The following MAPK10 variants were observed in gnomAD, a reference collection of about 807,000 sequenced individuals.
MAPK10 encodes JNK3 alpha protein kinase.
MAPK10 carries 25 observed loss-of-function variants against 59.3 expected under a neutral mutation model. The ratio of observed to expected loss-of-function variants is 0.42; its 90% CI spans 0.31 to 0.59. MAPK10 has a LOEUF of 0.59. MAPK10 is among the 20% of genes least tolerant of loss of function. The pLI is 0.15. For missense variants in MAPK10, 351 were observed against 568.9 expected (o/e 0.62, Z 3.90); for synonymous variants, 190 against 200.5 (o/e 0.95, Z 0.44).
chr4:86,036,566 A>G lies in MAPK10; in HGVS notation c.1111-5135T>C, dbSNP rs542602964. Among the ~76,000 whole-genome samples, 87 of 152,334 alleles carry G rather than the reference A, an allele frequency of 5.7e-4. 1 individual carries two copies. The highest frequency in any genetic ancestry group is 1.1e-3 in the Non-Finnish European group (74 of 68,014). ...AAACTAAGATTCAAGGAAATTTTAAAAAATATATCATGAAGTCATATAGCT... is the reference window on the plus strand; with the variant it reads ...AAACTAAGATTCAAGGAAATTTTAAGAAATATATCATGAAGTCATATAGCT... On this transcript the variant is annotated intron_variant, in intron 11 of 13. Coordinates refer to ENST00000641462, the MANE Select transcript of MAPK10 (RefSeq NM_138982.4).
intron 9 of MAPK10, among the ~76,000 whole-genome samples, chr4:86,094,485 C>A (rs2053858708): frequency 6.6e-6 from 1 of 151,686 alleles, no homozygotes; most frequent in African/African-American, 2.4e-5. Context: ...GAATATTGGC[C>A]AAGAACTTAG....
At chr4:86,210,414 C>T (rs984831418) in intron 2 of MAPK10, among the ~76,000 whole-genome samples, 7 of 151,504 alleles carry the variant, frequency 4.6e-5, no homozygotes, top group East Asian at 1.9e-4. Context: ...GGAGCTCAAA[C>T]GACTCTATTA....
chr4:86,344,796 A>C (rs1455626353), intron 2 of MAPK10, among the ~76,000 whole-genome samples: 1 of 152,226 alleles, frequency 6.6e-6, no homozygotes, highest in Non-Finnish European at 1.5e-5. Flanking sequence ...CAAGGCACCA[A>C]TAGTTTCACC....
intron 10 of MAPK10, chr4:86,065,387 A>C (rs2046540896): frequency 1.3e-5 from 2 of 152,200 alleles, no homozygotes; most frequent in Non-Finnish European, 2.9e-5. Context: ...GCTACACCAG[A>C]CACTAATGAG....
chr4:86,107,556 T>C (rs1298875451), intron 4 of MAPK10: 2 of 1,182,438 alleles, frequency 1.7e-6, no homozygotes, highest in African/African-American at 3.2e-5. Flanking sequence ...TGAAGAAGAG[T>C]TGGAGGAAGG....
intron 1 of MAPK10, among the ~76,000 whole-genome samples, chr4:86,410,717 T>C (rs1253893358): frequency 2.0e-5 from 3 of 152,174 alleles, no homozygotes; most frequent in Non-Finnish European, 4.4e-5. Flanking sequence ...TCTGTGATGG[T>C]AGTTTGTATT....
intron 2 of MAPK10, among the ~76,000 whole-genome samples, chr4:86,333,209 T>G (rs774516118): frequency 1.5e-4 from 23 of 152,272 alleles, no homozygotes; most frequent in Middle Eastern, 3.4e-3. Context: ...AGAAAACGAT[T>G]TCTAGAATAA....
chr4:86,112,982 T>C (rs1162928111), intron 4 of MAPK10, among the ~76,000 whole-genome samples: 1 of 152,026 alleles, frequency 6.6e-6, no homozygotes, highest in Admixed American at 6.6e-5. Context: ...TCTTTGTCTT[T>C]TTTTTTTTAT....
intron 4 of MAPK10, among the ~76,000 whole-genome samples, chr4:86,109,786 T>C (rs2057168841): frequency 6.6e-6 from 1 of 152,218 alleles, no homozygotes; most frequent in Non-Finnish European, 1.5e-5. Flanking sequence ...ATATTTCTGG[T>C]TCTAGGTCTT....
At chr4:86,039,468 C>A (rs544187917) in intron 11 of MAPK10, among the ~76,000 whole-genome samples, 1 of 152,208 alleles carries the variant, frequency 6.6e-6, no homozygotes, top group Admixed American at 6.5e-5. Flanking sequence ...GCCCTAGACA[C>A]CAGGCTAGTA....
chr4:86,500,846 T>C lies in MAPK10; in HGVS notation c.-263+93064A>G, dbSNP rs571336252. ...GCCATGTTGCTACAGCCAAAATAGT[T>C]ATGGATACACATTAGGTAAAAAATA... is the stretch of plus-strand genomic sequence containing the variant. On this transcript the variant is annotated intron_variant, in intron 1 of 4. Coordinates refer to the MAPK10 transcript ENST00000502302. Among the ~76,000 whole-genome samples, 22 of 152,248 alleles carry C rather than the reference T, an allele frequency of 1.4e-4. No homozygotes were observed. The South Asian group carries it at 4.1e-3, about 29-fold the overall frequency.
intron 2 of MAPK10, among the ~76,000 whole-genome samples, chr4:86,248,234 C>G (rs1371692678): frequency 6.6e-6 from 1 of 152,102 alleles, no homozygotes; most frequent in Non-Finnish European, 1.5e-5. Flanking sequence ...ATTTTTAAAG[C>G]TTGTGTTTCA....
At chr4:86,107,171 T>C (rs544171757) in intron 5 of MAPK10, 52 bp downstream of exon 5, 2 of 1,486,008 alleles carry the variant, frequency 1.3e-6, no homozygotes, top group African/African-American at 1.4e-5. Context: ...CATTTTCTTT[T>C]TCCAATCTTA....
chr4:86,252,490 C>T lies in MAPK10; in HGVS notation c.-6-58083G>A, dbSNP rs1325302721. On this transcript the variant is annotated intron_variant, in intron 2 of 13. Coordinates refer to ENST00000641462, the MANE Select transcript of MAPK10 (RefSeq NM_138982.4). ...CAAAGATCAGATAGTTGTAGGTATG[C>T]GGCGTTATTTCCGAGGGCTCTGTTC... Among the ~76,000 whole-genome samples, 640 of 141,116 alleles carry T rather than the reference C, an allele frequency of 4.5e-3. 4 individuals carry two copies. Among genetic ancestry groups the T allele is most frequent in the African/African-American group, 0.017 (584 of 34,236 alleles). The allele number at this position is 141,116 out of a possible 152,430, so 92.6% of individuals were successfully genotyped here. A position where few individuals can be genotyped will look rare whatever the true frequency, so the allele number is the denominator to read the frequency against.
chr4:86,298,913 G>C (rs940785575), intron 2 of MAPK10, among the ~76,000 whole-genome samples: 2 of 152,174 alleles, frequency 1.3e-5, no homozygotes, highest in African/African-American at 4.8e-5. Context: ...AATGAGGACA[G>C]AAAAAGTAGA....
chr4:86,463,951 A>G (rs185465096), intron 1 of MAPK10, among the ~76,000 whole-genome samples: 7 of 152,340 alleles, frequency 4.6e-5, no homozygotes, highest in African/African-American at 1.7e-4. Flanking sequence ...CAAGAGCAAG[A>G]TCTTGTAGAG....
chr4:86,540,765 AG>A (rs74974754), intron 1 of MAPK10, among the ~76,000 whole-genome samples: 34,330 of 152,078 alleles, frequency 0.23, 4,607 homozygotes, highest in Admixed American at 0.3. Context: ...AAAGTCCCTG[AG>A]GGGACTGGCC....
chr4:86,096,457 C>T (rs2054243945), intron 9 of MAPK10, among the ~76,000 whole-genome samples: 1 of 151,696 alleles, frequency 6.6e-6, no homozygotes, highest in Non-Finnish European at 1.5e-5. Flanking sequence ...AGAAGAAAAG[C>T]AATCCGCATA....
intron 1 of MAPK10, among the ~76,000 whole-genome samples, chr4:86,531,243 T>C (rs930122337): frequency 6.6e-6 from 1 of 152,222 alleles, no homozygotes. Flanking sequence ...CCTAAGCAAG[T>C]CATAAAGTAA....
Sources: gnomAD v4.1 joint callset for allele counts (sites outside exome capture counted in the v4.1 genomes callset) on GRCh38, gnomAD v4.1.1 for gene constraint, MANE v1.5 for transcripts, NCBI Gene and HGNC (gene_info 2026-07-23, HGNC 2026-07-21) for gene names.